The following XKR9 variants were observed in gnomAD, a reference collection of about 807,000 sequenced individuals.
The protein encoded by XKR9 is XK-related protein 9.
A neutral mutation model predicts 32.0 loss-of-function variants in XKR9; 32 were observed. That is an observed-to-expected ratio of 1.00 (90% confidence interval 0.76 to 1.34). The LOEUF is 1.34. Ranked by LOEUF, XKR9 falls within the 40% of genes most tolerant of loss-of-function variation. XKR9 has a pLI of 0.00. For missense variants in XKR9, 546 were observed against 429.7 expected (o/e 1.27, Z -2.39); for synonymous variants, 168 against 143.4 (o/e 1.17, Z -1.22).
rs868308535 is a variant in XKR9, at chr8:70,754,911, T to C, written n.353-34428T>C. 2.0e-5 allele frequency among the ~76,000 whole-genome samples: 3 copies of C among 151,966 alleles called. No homozygotes were observed. The East Asian group carries it at 5.8e-4, about 29-fold the overall frequency. ...TGGCAACAAAAGCCAAAATTGACAA[T>C]TGGGATCTAATTAAACTGAAGAGCT... On this transcript the variant is annotated intron_variant and non_coding_transcript_variant, in intron 2 of 3. Coordinates refer to the XKR9 transcript ENST00000520273.
chr8:70,821,893 G>A, the XKR9 span, among the ~76,000 whole-genome samples: 1 of 152,160 alleles, frequency 6.6e-6, no homozygotes, highest in Non-Finnish European at 1.5e-5. Flanking sequence ...GTGCTCTGGA[G>A]ACATTTTCCC....
chr8:71,008,101 G>GA, the XKR9 span, among the ~76,000 whole-genome samples: 1 of 151,910 alleles, frequency 6.6e-6, no homozygotes, highest in African/African-American at 2.4e-5. Flanking sequence ...AGAAAATGAA[G>GA]AATTTTTAAA....
At chr8:71,020,485 G>A in the XKR9 span, among the ~76,000 whole-genome samples, 1 of 152,216 alleles carries the variant, frequency 6.6e-6, no homozygotes, top group Non-Finnish European at 1.5e-5. Context: ...CAATTCCGTA[G>A]TATCACCTCT....
chr8:70,774,030 C>T (rs1456556893), intron 2 of XKR9, among the ~76,000 whole-genome samples: 2 of 152,120 alleles, frequency 1.3e-5, no homozygotes, highest in African/African-American at 4.8e-5. Context: ...AACAGAACAT[C>T]CATCCCTTCC....
At chr8:70,890,295 T>C in the XKR9 span, among the ~76,000 whole-genome samples, 1 of 152,044 alleles carries the variant, frequency 6.6e-6, no homozygotes, top group East Asian at 1.9e-4. Context: ...TGGATGGCAT[T>C]TATTACTTTC....
the XKR9 span, among the ~76,000 whole-genome samples, chr8:71,013,782 C>T: frequency 6.6e-6 from 1 of 152,110 alleles, no homozygotes; most frequent in Non-Finnish European, 1.5e-5. Context: ...ATCAAGGCTC[C>T]ATAGGGCAGT....
the XKR9 span, among the ~76,000 whole-genome samples, chr8:71,030,976 A>G: frequency 2.6e-5 from 4 of 152,226 alleles, no homozygotes; most frequent in South Asian, 4.1e-4. Context: ...TTTTATTCCC[A>G]TTGATAATGT....
the XKR9 span, among the ~76,000 whole-genome samples, chr8:70,846,973 G>C: frequency 6.6e-6 from 1 of 151,960 alleles, no homozygotes. Flanking sequence ...GATTTTAACT[G>C]TACTTTACAC....
chr8:70,970,758 T>C, the XKR9 span, among the ~76,000 whole-genome samples: 2 of 152,190 alleles, frequency 1.3e-5, no homozygotes, highest in East Asian at 1.9e-4. Context: ...CTATTGTGAA[T>C]AGTTAACGCC....
At chr8:71,061,474 A>G in the XKR9 span, among the ~76,000 whole-genome samples, 5 of 152,294 alleles carry the variant, frequency 3.3e-5, no homozygotes, top group East Asian at 9.6e-4. Context: ...ATAATTACAC[A>G]TATTCCAGGT....
At chr8:70,890,132 G>T in the XKR9 span, among the ~76,000 whole-genome samples, 1 of 151,922 alleles carries the variant, frequency 6.6e-6, no homozygotes, top group East Asian at 1.9e-4. Context: ...ATGTGAGATG[G>T]TCTCATTGTC....
the XKR9 span, among the ~76,000 whole-genome samples, chr8:70,898,921 T>C: frequency 6.6e-6 from 1 of 152,036 alleles, no homozygotes; most frequent in African/African-American, 2.4e-5. Context: ...CCATTTTTCT[T>C]TTTCTTTTTG....
intron 3 of XKR9, among the ~76,000 whole-genome samples, chr8:70,696,677 T>G (rs71523196): frequency 0.32 from 38,788 of 121,332 alleles, 7,989 homozygotes; most frequent in Middle Eastern, 0.46. Context: ...CTCTTTCTTG[T>G]TTCCATATGA....
At chr8:71,042,931 C>G in the XKR9 span, among the ~76,000 whole-genome samples, 31 of 152,254 alleles carry the variant, frequency 2.0e-4, no homozygotes, top group East Asian at 5.4e-3. Flanking sequence ...AAGTAGTAGG[C>G]ATTGAGAGTG....
chr8:70,824,477 T>C, the XKR9 span, among the ~76,000 whole-genome samples: 1 of 152,080 alleles, frequency 6.6e-6, no homozygotes, highest in South Asian at 2.1e-4. Context: ...TCATACCACC[T>C]TGAGCAAAAT....
the XKR9 span, among the ~76,000 whole-genome samples, chr8:70,881,409 A>C: frequency 4.6e-5 from 7 of 152,320 alleles, no homozygotes; most frequent in South Asian, 1.4e-3. Context: ...CTATGAACTC[A>C]AACAAATTTA....
chr8:70,794,697 G>T (rs559747629), downstream of XKR9, among the ~76,000 whole-genome samples: 1 of 151,818 alleles, frequency 6.6e-6, no homozygotes, highest in Non-Finnish European at 1.5e-5. Flanking sequence ...CCTGGAATAA[G>T]TCCTACTTAT....
the XKR9 span, among the ~76,000 whole-genome samples, chr8:70,819,152 G>A: frequency 6.6e-6 from 1 of 152,172 alleles, no homozygotes; most frequent in Admixed American, 6.5e-5. Context: ...CCCTTGAGCT[G>A]TTTGTTTAGC....
intron 2 of XKR9, among the ~76,000 whole-genome samples, chr8:70,679,017 A>G (rs1818976387): frequency 6.6e-6 from 1 of 152,208 alleles, no homozygotes; most frequent in Admixed American, 6.5e-5. Flanking sequence ...GGACACTGGA[A>G]GTCCAAGATC....
Sources: allele counts gnomAD v4.1 joint callset (sites outside exome capture counted in the v4.1 genomes callset), GRCh38; gene constraint gnomAD v4.1.1; transcripts MANE v1.5; gene names NCBI Gene and HGNC (gene_info 2026-07-23, HGNC 2026-07-21).